Variants in CFAP43 observed in about 807,000 individuals in gnomAD.
CFAP43 encodes cilia and flagella associated protein 43, also known as cilia- and flagella-associated protein 43.
CFAP43 carries 155 observed loss-of-function variants against 218.9 expected under a neutral mutation model. The observed-to-expected ratio is 0.71, with a 90% confidence interval of 0.62 to 0.81. The LOEUF (loss-of-function observed/expected upper bound fraction) is 0.81. CFAP43 is among the 30% of genes least tolerant of loss of function. CFAP43 has a pLI of 0.00. For synonymous variants in CFAP43, 645 were observed against 681.3 expected (o/e 0.95, Z 0.83); for missense variants, 1,778 against 1,954.3 (o/e 0.91, Z 1.70).
At position 104,188,307 on chromosome 10, in the gene CFAP43, C is replaced by G; in HGVS notation, c.1650G>C (p.Arg550Ser). Reference protein sequence around the residue: ...LSSLPEAGRSRLEMFTLPTLL... With the variant: ...LSSLPEAGRSSLEMFTLPTLL... ...ATGTAGGCAGTGTGAACATCTCCAA[C>G]CTGCTTCTCCCTGCTTCTGGAAGCG... is the stretch of plus-strand genomic sequence containing the variant. Residue 550 changes from arginine to serine, a missense_variant, in exon 13 of 38, where the codon AGG (arginine) becomes AGC (serine). Arg to Ser is a moderately radical substitution (Grantham distance 110). Around this residue, in one of 3 missense-constraint regions of CFAP43, gnomAD observed 1,553 missense variants for 1,685.2 expected, o/e 0.92. Coordinates refer to ENST00000357060, the MANE Select transcript of CFAP43 (RefSeq NM_025145.7). 1 of 1,614,138 alleles carries G rather than the reference C, an allele frequency of 6.2e-7. No individual in the cohort carries two copies. The highest frequency in any genetic ancestry group is 1.7e-4 in the Middle Eastern group (1 of 6,058).
At chr10:104,152,279 G>A (rs2088300167) in intron 28 of CFAP43, among the ~76,000 whole-genome samples, 1 of 152,146 alleles carries the variant, frequency 6.6e-6, no homozygotes, top group Non-Finnish European at 1.5e-5. Flanking sequence ...GTATATAATA[G>A]AAAGATATTA....
chr10:104,131,674 C>A (rs1195735288), intron 36 of CFAP43, among the ~76,000 whole-genome samples, 190 bp from the exon 37 acceptor site: 7 of 152,070 alleles, frequency 4.6e-5, no homozygotes, highest in Non-Finnish European at 1.0e-4. Flanking sequence ...ATGTTAATAA[C>A]AAATTTTAGA....
chr10:104,189,281 TC>T (rs1294749007), intron 12 of CFAP43, among the ~76,000 whole-genome samples: 3 of 152,178 alleles, frequency 2.0e-5, no homozygotes, highest in African/African-American at 7.2e-5. Flanking sequence ...GACTCCCCTG[TC>T]TTCAAATAAG....
At chr10:104,200,670 CAAAAAAAAAAAAAA>C (rs71022722) in intron 8 of CFAP43, among the ~76,000 whole-genome samples, 2 of 22,638 alleles carry the variant, frequency 8.8e-5, no homozygotes, top group African/African-American at 1.5e-4. Context: ...GACTCTGTCT[CAAAAAAAAAAAAAA>C]AAAAAAAAAA....
At chr10:104,184,057 ATAT>A (rs767838617) in intron 16 of CFAP43, among the ~76,000 whole-genome samples, 3 of 152,206 alleles carry the variant, frequency 2.0e-5, no homozygotes, top group African/African-American at 4.8e-5. Context: ...GTATCACGAA[ATAT>A]TATTTTTTCT....
chr10:104,219,857 T>C (rs986018619), intron 3 of CFAP43, among the ~76,000 whole-genome samples: 1 of 152,222 alleles, frequency 6.6e-6, no homozygotes, highest in Non-Finnish European at 1.5e-5. Context: ...ATGCCATTCC[T>C]CTGCCTAGGA....
intron 34 of CFAP43, among the ~76,000 whole-genome samples, chr10:104,137,644 C>T (rs546679655): frequency 1.3e-5 from 2 of 152,010 alleles, no homozygotes; most frequent in East Asian, 3.9e-4. Flanking sequence ...CCCATCTCTA[C>T]CAAAAAAATA....
In CFAP43 at chr10:104,145,574, A is replaced by C; in HGVS notation, c.3856-10T>G. 1 of 1,583,602 alleles carries C rather than the reference A, an allele frequency of 6.3e-7. No homozygotes were observed. Among genetic ancestry groups the C allele is most frequent in the Admixed American group, 1.7e-5 (1 of 59,474 alleles). Reference sequence around the variant, plus strand: ...AGCTGCGATCCATAACCTAAGGACAAACATGACATTTGAGGACTGCAACTT... The same window carrying C: ...AGCTGCGATCCATAACCTAAGGACACACATGACATTTGAGGACTGCAACTT... On this transcript the variant is annotated splice_polypyrimidine_tract_variant and intron_variant, in intron 30 of 37. Coordinates refer to ENST00000357060, the MANE Select transcript of CFAP43 (RefSeq NM_025145.7).
intron 33 of CFAP43, among the ~76,000 whole-genome samples, chr10:104,141,596 G>A (rs2134748630): frequency 6.6e-6 from 1 of 152,268 alleles, no homozygotes; most frequent in Admixed American, 6.5e-5. Context: ...GTGTGACAGA[G>A]TGAGGCTCCA....
chr10:104,142,289 T>G lies in CFAP43; in HGVS notation c.4263A>C (p.Glu1421Asp). The G allele has an allele frequency of 6.2e-7, 1 of 1,612,496 alleles. No homozygotes were observed. Among genetic ancestry groups the G allele is most frequent in the Non-Finnish European group, 8.5e-7 (1 of 1,179,194 alleles). ...VQQEIERVFH[E>D]LILLQEEKVR... ...AGAAAGCTTCAAATTACAGGATGAG[T>G]TCATGGAACACTCTCTCAATCTCCT... is the stretch of plus-strand genomic sequence containing the variant. The change falls in exon 33 of 38, where the codon GAA (glutamate) becomes GAC (aspartate). Residue 1421 changes from glutamate (E) to aspartate (D), a missense_variant. Glu to Asp is a conservative substitution (Grantham distance 45). Around this residue, in one of 3 missense-constraint regions of CFAP43, gnomAD observed 1,553 missense variants for 1,685.2 expected, o/e 0.92. Transcript: ENST00000357060.
At position 104,179,155 on chromosome 10, in the gene CFAP43, C is replaced by CAG. The variant is rs60561340; in HGVS notation, c.2383-51_2383-50dup. The CAG allele has an allele frequency of 8.4e-3, 8,896 of 1,062,130 alleles. 11 individuals are homozygous for CAG. The highest frequency in any genetic ancestry group is 9.7e-3 in the Admixed American group (440 of 45,194). The allele number at this position is 1,062,130 out of a possible 1,614,324, so 65.8% of individuals were successfully genotyped here. On this transcript the variant is annotated intron_variant, in intron 18 of 37. Coordinates refer to ENST00000357060, the MANE Select transcript of CFAP43 (RefSeq NM_025145.7). The stretch of plus-strand genomic sequence containing the variant: ...TTAACAAAGCAAGAGAAATATCAGA[C>CAG]AGAGAGAGAGAGAGAGAGAGAGAGA...
chr10:104,168,682 A>G, intron 21 of CFAP43, 62 bp downstream of exon 21: 1 of 1,405,082 alleles, frequency 7.1e-7, no homozygotes, highest in Admixed American at 1.8e-5. Flanking sequence ...TATTTTTAAA[A>G]CTTTCCTGAG....
In CFAP43 at chr10:104,230,619, G is replaced by T; in HGVS notation, c.290C>A (p.Pro97Gln). Reference protein sequence around the residue: ...LKPLIYVYSFPGLTRRTKLKG... With the variant: ...LKPLIYVYSFQGLTRRTKLKG... ...CAATTTGGTCCTTCTGGTCAATCCT[G>T]GAAAGCTGTATACGTAGATGAGAGG... Residue 97 changes from proline to glutamine, a missense_variant, in exon 2 of 38, where the codon CCA (proline) becomes CAA (glutamine). Transcript: ENST00000357060. 1 of 1,614,146 alleles carries T rather than the reference G, an allele frequency of 6.2e-7. No individual in the cohort carries two copies. The highest frequency in any genetic ancestry group is 8.5e-7 in the Non-Finnish European group (1 of 1,180,018).
Position 104,168,740 on chromosome 10 carries a change from T to C in CFAP43, c.2691+4A>G, listed in dbSNP as rs1435236441. The stretch of plus-strand genomic sequence containing the variant: ...GGTTTTGTACCTAGGGTTCTATCTG[T>C]TACCTTAAGAGCTCGACCTTTCACA... On this transcript the variant is annotated splice_donor_region_variant and intron_variant, in intron 21 of 37. Coordinates refer to ENST00000357060, the MANE Select transcript of CFAP43 (RefSeq NM_025145.7). 6.2e-7 allele frequency: 1 copy of C among 1,611,770 alleles called. No homozygotes were observed. Among genetic ancestry groups the C allele is most frequent in the South Asian group, 1.1e-5 (1 of 91,036 alleles).
rs138081175 is a variant in CFAP43, at chr10:104,145,494, A to C, written c.3926T>G (p.Leu1309Arg). Residue 1309 changes from leucine to arginine, a missense_variant, in exon 31 of 38, where the codon CTT (leucine) becomes CGT (arginine). Around this residue, in one of 3 missense-constraint regions of CFAP43, gnomAD observed 1,553 missense variants for 1,685.2 expected, o/e 0.92. Transcript: ENST00000357060. ...PGHQVDILYK[L>R]FKRRPRISKQ... is the part of the protein sequence containing the mutation. ...AACAAACCTTGGTCGGCGTTTAAAA[A>C]GTTTGTAGAGTATATCCACTTGATG... The C allele has an allele frequency of 1.9e-6, 3 of 1,598,758 alleles. No individual in the cohort carries two copies. In the African/African-American group the frequency reaches 4.0e-5, roughly 21 times the overall value.
At position 104,149,547 on chromosome 10, in the gene CFAP43, C is replaced by T. The variant is rs182271002; in HGVS notation, c.3661-1549G>A. ...ATCCTCTGAAAGTGACTGATTGGCACTTCTCTTTTTAAAATATCATAAATT... is the reference window on the plus strand; with the variant it reads ...ATCCTCTGAAAGTGACTGATTGGCATTTCTCTTTTTAAAATATCATAAATT... On this transcript the variant is annotated intron_variant, in intron 28 of 37. Coordinates refer to ENST00000357060, the MANE Select transcript of CFAP43 (RefSeq NM_025145.7). Among the ~76,000 whole-genome samples, 137 of 152,282 alleles carry T rather than the reference C, an allele frequency of 9.0e-4. 1 individual carries two copies. Among genetic ancestry groups the T allele is most frequent in the African/African-American group, 3.2e-3 (132 of 41,572 alleles).
chr10:104,213,659 C>T (rs1005086438), intron 4 of CFAP43, among the ~76,000 whole-genome samples: 1 of 152,082 alleles, frequency 6.6e-6, no homozygotes, highest in Non-Finnish European at 1.5e-5. Context: ...TCTCAGCCTC[C>T]CGAGTAGCTG....
rs1277513268 is a variant in CFAP43 at position 104,166,609 on chromosome 10, T to C, written c.2918A>G (p.Asn973Ser). ...ACTACCAAGCAGGTAATTGGGCAAATTGCTATATTTTACTGTCTTGTCTTC... is the reference window on the plus strand; with the variant it reads ...ACTACCAAGCAGGTAATTGGGCAAACTGCTATATTTTACTGTCTTGTCTTC... ...EEEDKTVKYSNLPNYLLGSLS... is the reference protein window; with the variant it reads ...EEEDKTVKYSSLPNYLLGSLS... The change falls in exon 23 of 38, where the codon AAT becomes AGT. Residue 973 changes from asparagine to serine, a missense_variant. By Grantham distance (46) the Asn-to-Ser change is conservative. This residue lies in a region of CFAP43 where 1,553 missense variants were observed against 1,685.2 expected (regional missense o/e 0.92). Transcript: ENST00000357060. The C allele has an allele frequency of 5.0e-6, 8 of 1,613,976 alleles. No homozygotes were observed. Among genetic ancestry groups the C allele is most frequent in the Middle Eastern group, 3.3e-4 (2 of 6,084 alleles).
chr10:104,182,314 A>C, intron 17 of CFAP43, 52 bp downstream of exon 17: 1 of 1,477,390 alleles, frequency 6.8e-7, no homozygotes. Context: ...AAAACTTCTG[A>C]TTTACAAAGA....
Sources: allele counts gnomAD v4.1 joint callset (sites outside exome capture counted in the v4.1 genomes callset), GRCh38; gene constraint gnomAD v4.1.1; regional missense constraint gnomAD v4.1.1; transcripts MANE v1.5; gene names NCBI Gene and HGNC (gene_info 2026-07-23, HGNC 2026-07-21).